The following PITPNC1 variants were observed in gnomAD, a reference collection of about 807,000 sequenced individuals.
PITPNC1 encodes phosphatidylinositol transfer protein cytoplasmic 1.
In PITPNC1, 18 loss-of-function variants were observed where a neutral mutation model predicts 44.7. The ratio of observed to expected loss-of-function variants is 0.40; its 90% CI spans 0.28 to 0.60. PITPNC1 has a LOEUF of 0.60. Ranked by LOEUF, PITPNC1 falls within the 20% of genes least tolerant of loss-of-function variation. The pLI is 0.39. For synonymous variants in PITPNC1, 141 were observed against 149.6 expected (o/e 0.94, Z 0.42); for missense variants, 290 against 418.4 (o/e 0.69, Z 2.68).
At chr17:67,570,755 G>A (rs2041043386) in intron 4 of PITPNC1, among the ~76,000 whole-genome samples, 1 of 151,268 alleles carries the variant, frequency 6.6e-6, no homozygotes, top group South Asian at 2.1e-4. Flanking sequence ...TTGAACTGAA[G>A]TCTGTTTTAC....
At chr17:67,495,121 A>G (rs1305422600) in intron 1 of PITPNC1, among the ~76,000 whole-genome samples, 10 of 119,504 alleles carry the variant, frequency 8.4e-5, no homozygotes, top group Non-Finnish European at 1.4e-4. Flanking sequence ...CAGTGGCGCT[A>G]TCTCGGCTCA....
intron 1 of PITPNC1, among the ~76,000 whole-genome samples, chr17:67,450,614 C>T (rs1292415744): frequency 5.9e-5 from 9 of 152,052 alleles, no homozygotes; most frequent in East Asian, 5.8e-4. Context: ...TTAGTAGAGA[C>T]GAGATTTTCG....
At chr17:67,632,496 A>G (rs1218314730) in intron 6 of PITPNC1, 10 of 528,584 alleles carry the variant, frequency 1.9e-5, no homozygotes, top group African/African-American at 7.7e-5. Flanking sequence ...TGGCAACGTC[A>G]GTATCCATAG....
intron 1 of PITPNC1, among the ~76,000 whole-genome samples, chr17:67,391,060 CGTGT>C (rs80236076): frequency 0.018 from 2,606 of 146,884 alleles, 44 homozygotes; most frequent in Non-Finnish European, 0.029. Context: ...ACTTTTTTAG[CGTGT>C]GTGTGTGTGT....
intron 8 of PITPNC1, among the ~76,000 whole-genome samples, chr17:67,690,699 G>A (rs2042910447): frequency 6.6e-6 from 1 of 152,128 alleles, no homozygotes; most frequent in African/African-American, 2.4e-5. Flanking sequence ...TCCAGGATAA[G>A]CCTTGGGCCT....
chr17:67,560,880 A>G (rs2144188612), intron 4 of PITPNC1, among the ~76,000 whole-genome samples: 1 of 152,346 alleles, frequency 6.6e-6, no homozygotes, highest in South Asian at 2.1e-4. Flanking sequence ...AAATGACTTT[A>G]CAGAGGGCAA....
At chr17:67,442,385 G>T (rs73996717) in intron 1 of PITPNC1, among the ~76,000 whole-genome samples, 6 of 150,886 alleles carry the variant, frequency 4.0e-5, no homozygotes, top group Non-Finnish European at 8.9e-5. Flanking sequence ...TCGTAAGCCC[G>T]CCCAGTGGAT....
chr17:67,660,454 C>A (rs2042326584), intron 6 of PITPNC1, among the ~76,000 whole-genome samples: 1 of 152,158 alleles, frequency 6.6e-6, no homozygotes, highest in African/African-American at 2.4e-5. Flanking sequence ...CAATTGAGCA[C>A]TTGCTACGGG....
At chr17:67,462,056 A>G (rs1298203603) in intron 1 of PITPNC1, among the ~76,000 whole-genome samples, 1 of 151,880 alleles carries the variant, frequency 6.6e-6, no homozygotes, top group Admixed American at 6.6e-5. Flanking sequence ...CTTTCACAAC[A>G]TGCCTCTTGA....
chr17:67,385,150 T>C (rs1343083297), intron 1 of PITPNC1, among the ~76,000 whole-genome samples: 6 of 152,210 alleles, frequency 3.9e-5, no homozygotes, highest in Non-Finnish European at 5.9e-5. Context: ...GGAGAACTTT[T>C]CTGTCTTACA....
intron 2 of PITPNC1, among the ~76,000 whole-genome samples, chr17:67,546,885 C>T (rs1451469260): frequency 6.6e-6 from 1 of 152,180 alleles, no homozygotes; most frequent in Non-Finnish European, 1.5e-5. Context: ...AGTAAAAGAC[C>T]AGCCAGAACA....
intron 1 of PITPNC1, among the ~76,000 whole-genome samples, chr17:67,455,693 C>T (rs573490686): frequency 4.2e-4 from 64 of 152,100 alleles, no homozygotes; most frequent in African/African-American, 1.5e-3. Flanking sequence ...CCACCTGCCT[C>T]GGCCTTCCAA....
rs972564031 is a variant in PITPNC1, at chr17:67,587,290, C to T, written c.366+9033C>T. Among the ~76,000 whole-genome samples, 4 of 149,994 alleles carry T rather than the reference C, an allele frequency of 2.7e-5. No homozygotes were observed. In the East Asian group the frequency reaches 5.9e-4, roughly 22 times the overall value. ...TCGCTTGCACCCAAGAGTTCAAGGC[C>T]AGCCTGGGCAACATGTTGAGACCCC... On this transcript the variant is annotated intron_variant, in intron 5 of 8. Transcript: ENST00000581322.
chr17:67,633,710 T>C (rs1366776573), intron 6 of PITPNC1, among the ~76,000 whole-genome samples: 1 of 152,252 alleles, frequency 6.6e-6, no homozygotes, highest in Non-Finnish European at 1.5e-5. Flanking sequence ...ACAGAAATCC[T>C]ATAGTTTCAT....
chr17:67,599,001 C>CATATATATATATATATATATATATATAT (rs1172990089), intron 5 of PITPNC1, among the ~76,000 whole-genome samples: 13 of 45,152 alleles, frequency 2.9e-4, no homozygotes, highest in Non-Finnish European at 4.9e-4. Flanking sequence ...ATAAGAAATA[C>CATATATATATATATATATATATATATAT]ATATATATAT....
At chr17:67,662,173 G>A (rs935363795) in intron 6 of PITPNC1, among the ~76,000 whole-genome samples, 1 of 152,046 alleles carries the variant, frequency 6.6e-6, no homozygotes, top group Admixed American at 6.6e-5. Context: ...GTACAACTTG[G>A]CCGGGTGCGG....
At chr17:67,505,978 C>A (rs560117735) in intron 1 of PITPNC1, among the ~76,000 whole-genome samples, 2 of 152,288 alleles carry the variant, frequency 1.3e-5, no homozygotes, top group East Asian at 3.9e-4. Context: ...CCTTGTGAGA[C>A]GTGCCTTTTG....
intron 1 of PITPNC1, among the ~76,000 whole-genome samples, chr17:67,476,271 T>G (rs998814178): frequency 6.0e-5 from 9 of 151,064 alleles, no homozygotes; most frequent in Non-Finnish European, 1.0e-4. Flanking sequence ...CTGCAGCCTC[T>G]GTCCCCCCAG....
At chr17:67,520,522 G>A (rs2040311449) in intron 1 of PITPNC1, among the ~76,000 whole-genome samples, 1 of 152,164 alleles carries the variant, frequency 6.6e-6, no homozygotes, top group South Asian at 2.1e-4. Flanking sequence ...GTTTCCTTCA[G>A]TCTTCTGTCT....
Sources: allele counts gnomAD v4.1 joint callset (sites outside exome capture counted in the v4.1 genomes callset), GRCh38; gene constraint gnomAD v4.1.1; transcripts MANE v1.5; gene names NCBI Gene and HGNC (gene_info 2026-07-23, HGNC 2026-07-21).